The following PEX11A variants were observed in gnomAD, a reference collection of about 807,000 sequenced individuals.
PEX11A encodes the protein peroxisomal membrane protein 11A.
A neutral mutation model predicts 14.4 loss-of-function variants in PEX11A; 13 were observed. The observed-to-expected ratio is 0.90, with a 90% CI of 0.59 to 1.43. PEX11A has a LOEUF of 1.43. Among genes scored for constraint, PEX11A ranks in the 40% most tolerant of loss-of-function variants. The pLI, the probability that PEX11A is intolerant of heterozygous loss-of-function variation, is 0.00. For synonymous variants in PEX11A, 101 were observed against 113.0 expected, an observed-to-expected ratio of 0.89 and a Z score of 0.67; for missense variants, 290 against 302.8, an observed-to-expected ratio of 0.96 and a Z score of 0.31.
intron 1 of PEX11A, among the ~76,000 whole-genome samples, chr15:89,689,857 G>A (rs1193563016): frequency 6.6e-6 from 1 of 152,194 alleles, no homozygotes; most frequent in Non-Finnish European, 1.5e-5. Flanking sequence ...GAGACCGGGC[G>A]CGGTGGCTCG....
chr15:89,682,652 T>C lies in PEX11A; in HGVS notation c.*725A>G, dbSNP rs1167976025. ...ATTAGGAGTCAGAGGAATGAGGCTC[T>C]AGCCTCAGTTTTTTGTTTGTCTCAC... is the stretch of plus-strand genomic sequence containing the variant. On this transcript the variant is annotated 3_prime_UTR_variant, in exon 3 of 3. Coordinates refer to ENST00000300056, the MANE Select transcript of PEX11A (RefSeq NM_003847.3). 6.6e-6 allele frequency: 1 copy of C among 152,262 alleles called. No homozygotes were observed. The highest frequency in any genetic ancestry group is 1.5e-5 in the Non-Finnish European group (1 of 68,048). 9.4% of individuals were successfully genotyped at this position (152,262 alleles called of 1,614,324 possible).
chr15:89,689,403 T>C (rs1964752701), intron 1 of PEX11A, among the ~76,000 whole-genome samples: 1 of 152,226 alleles, frequency 6.6e-6, no homozygotes. Context: ...AGCCTCATTA[T>C]TGGGGCCATT....
Position 89,683,297 on chromosome 15 carries a change from G to T in PEX11A, c.*80C>A. On this transcript the variant is annotated 3_prime_UTR_variant, in exon 3 of 3. Transcript: ENST00000300056. ...CAAGAACTTAAGCACAGTATGACAT[G>T]GCCTGTGACTTATACAAATGTCTGT... The T allele has an allele frequency of 1.1e-6, 1 of 944,920 alleles. No individual in the cohort carries two copies. The highest frequency in any genetic ancestry group is 1.6e-6 in the Non-Finnish European group (1 of 609,958). The allele number at this position is 944,920 out of a possible 1,614,324, so 58.5% of individuals were successfully genotyped here.
chr15:89,689,588 C>G (rs1215992493), intron 1 of PEX11A, among the ~76,000 whole-genome samples: 1 of 152,166 alleles, frequency 6.6e-6, no homozygotes, highest in Non-Finnish European at 1.5e-5. Flanking sequence ...CTTTTCGTTT[C>G]TTATGGAACC....
chr15:89,682,916 C>T lies in PEX11A; in HGVS notation c.*461G>A, dbSNP rs532034587. 6.2e-6 allele frequency: 1 copy of T among 161,010 alleles called. No individual in the cohort carries two copies. The highest frequency in any genetic ancestry group is 1.9e-4 in the East Asian group (1 of 5,392). The allele number at this position is 161,010 out of a possible 1,614,324, so 10.0% of individuals were successfully genotyped here. On this transcript the variant is annotated 3_prime_UTR_variant, in exon 3 of 3. Coordinates refer to ENST00000300056, the MANE Select transcript of PEX11A (RefSeq NM_003847.3). ...AGAGGCTGTAAGCCCAGCTCTCCTC[C>T]ATCCTGCTACTGACATCAGAGCCTC...
chr15:89,683,908 A>C lies in PEX11A; in HGVS notation c.213T>G (p.Thr71=). The C allele has an allele frequency of 6.2e-7, 1 of 1,614,018 alleles. No homozygotes were observed. Among genetic ancestry groups the C allele is most frequent in the Non-Finnish European group, 8.5e-7 (1 of 1,179,868 alleles). ...LGNVVHAIQA[T]EQSIHATDLV... is the part of the protein sequence containing the mutation. ...GGTCAGTGGCATGAATGCTCTGCTC[A>C]GTTGCCTGTATAGCATGTACCACAT... The change falls in exon 3 of 3, where the codon ACT becomes ACG. Residue 71 remains threonine, a synonymous_variant. Coordinates refer to ENST00000300056, the MANE Select transcript of PEX11A (RefSeq NM_003847.3).
In PEX11A at chr15:89,690,595, C is replaced by T. The variant is rs1822699477; in HGVS notation, c.38G>A (p.Gly13Asp). The T allele has an allele frequency of 6.4e-6, 10 of 1,551,410 alleles. No individual in the cohort carries two copies. The highest frequency in any genetic ancestry group is 7.8e-6 in the Non-Finnish European group (9 of 1,146,918). ...AFTRFTNQTQ[G>D]RDRLFRATQY... ...GACTCACCTGAAGAGTCGGTCCCGG[C>T]CCTGGGTCTGGTTGGTGAAGCGGGT... The change falls in exon 1 of 3, where the codon GGC becomes GAC. Residue 13 changes from glycine to aspartate, a missense_variant. Transcript: ENST00000300056.
In PEX11A at chr15:89,686,248, T is replaced by C. The variant is rs372432044; in HGVS notation, c.172+183A>G. On this transcript the variant is annotated intron_variant, in intron 2 of 2. Transcript: ENST00000300056. ...AGATGTGAACATAAGAGGGTGTTTA[T>C]GAATGGTCTGCAGCAACACATTCAA... is the stretch of plus-strand genomic sequence containing the variant. Among the ~76,000 whole-genome samples the C allele has an allele frequency of 3.0e-4, 45 of 152,366 alleles. No individual in the cohort carries two copies. In the East Asian group the frequency reaches 7.7e-3, roughly 26 times the overall value.
chr15:89,683,085 T>C lies in PEX11A; in HGVS notation c.*292A>G, dbSNP rs1200422644. On this transcript the variant is annotated 3_prime_UTR_variant, in exon 3 of 3. Coordinates refer to ENST00000300056, the MANE Select transcript of PEX11A (RefSeq NM_003847.3). ...ATTTTTTCCTTTCAATTTTTATTCA[T>C]TCAGCAAATACTAAGCTCCCACTAT... 2.8e-6 allele frequency: 1 copy of C among 359,920 alleles called. No individual in the cohort carries two copies. The highest frequency in any genetic ancestry group is 2.1e-5 in the African/African-American group (1 of 47,630). 22.3% of individuals were successfully genotyped at this position (359,920 alleles called of 1,614,324 possible).
In PEX11A at chr15:89,685,131, G is replaced by T. The variant is rs999522922; in HGVS notation, c.173-1183C>A. Among the ~76,000 whole-genome samples, 7 of 143,052 alleles carry T rather than the reference G, an allele frequency of 4.9e-5. No homozygotes were observed. In the East Asian group the frequency reaches 1.4e-3, roughly 29 times the overall value. The allele number at this position is 143,052 out of a possible 152,430, so 93.8% of individuals were successfully genotyped here. A position where few individuals can be genotyped will look rare whatever the true frequency, so the allele number is the denominator to read the frequency against. ...AAGTGGGAGAATTGCTTGAACCTGG[G>T]AAGCGGAGGTTGCAGTGAGCCAAGA... On this transcript the variant is annotated intron_variant, in intron 2 of 2. Coordinates refer to ENST00000300056, the MANE Select transcript of PEX11A (RefSeq NM_003847.3).
chr15:89,682,485 G>A lies in PEX11A; in HGVS notation c.*892C>T, dbSNP rs954403690. The A allele has an allele frequency of 6.6e-5, 10 of 152,156 alleles. No individual in the cohort carries two copies. The highest frequency in any genetic ancestry group is 2.4e-4 in the African/African-American group (10 of 41,440). 9.4% of individuals were successfully genotyped at this position (152,156 alleles called of 1,614,324 possible). A position where few individuals can be genotyped will look rare whatever the true frequency, so the allele number is the denominator to read the frequency against. On this transcript the variant is annotated 3_prime_UTR_variant, in exon 3 of 3. Transcript: ENST00000300056. ...AGCCACCACACTCCACCCAGTTTTA[G>A]TTTTTCTAGAAAAGAATATAAACCA...
chr15:89,689,795 G>A (rs1460464114), intron 1 of PEX11A, among the ~76,000 whole-genome samples: 2 of 152,178 alleles, frequency 1.3e-5, no homozygotes, highest in East Asian at 3.8e-4. Flanking sequence ...TACAGCCTGG[G>A]TAATAATGGA....
rs1258817749 is a variant in PEX11A, at chr15:89,682,695, T to A, written c.*682A>T. 1 of 152,272 alleles carries A rather than the reference T, an allele frequency of 6.6e-6. No individual in the cohort carries two copies. Among genetic ancestry groups the A allele is most frequent in the South Asian group, 2.1e-4 (1 of 4,836 alleles). 9.4% of individuals were successfully genotyped at this position (152,272 alleles called of 1,614,324 possible). A position where few individuals can be genotyped will look rare whatever the true frequency, so the allele number is the denominator to read the frequency against. On this transcript the variant is annotated 3_prime_UTR_variant, in exon 3 of 3. Coordinates refer to ENST00000300056, the MANE Select transcript of PEX11A (RefSeq NM_003847.3). ...TGTCTCACTGTCAGCTTCTTATCTG[T>A]CACAGGCTACATATAGGCACCCATT... is the stretch of plus-strand genomic sequence containing the variant.
chr15:89,689,239 T>C lies in PEX11A; in HGVS notation c.56+1338A>G, dbSNP rs1204414669. Among the ~76,000 whole-genome samples the C allele has an allele frequency of 7.1e-4, 5 of 7,000 alleles. No individual in the cohort carries two copies. In the Non-Finnish European group the frequency reaches 9.6e-3, roughly 13 times the overall value. 4.6% of individuals were successfully genotyped at this position (7,000 alleles called of 152,430 possible). On this transcript the variant is annotated intron_variant, in intron 1 of 2. Transcript: ENST00000300056. Reference sequence around the variant, plus strand: ...GATGTGAATCCCTCAGTTCTGCCATTGTAGTACCTATTAACCTCTTTCTGC... The same window carrying C: ...GATGTGAATCCCTCAGTTCTGCCATCGTAGTACCTATTAACCTCTTTCTGC...
In PEX11A at chr15:89,686,468, G is replaced by T. The variant is rs771429477; in HGVS notation, c.135C>A (p.Leu45=). 1 of 1,600,902 alleles carries T rather than the reference G, an allele frequency of 6.2e-7. No homozygotes were observed. The highest frequency in any genetic ancestry group is 1.1e-5 in the South Asian group (1 of 90,808). Residue 45 remains leucine, a synonymous_variant, in exon 2 of 3, where the codon CTC becomes CTA. Coordinates refer to ENST00000300056, the MANE Select transcript of PEX11A (RefSeq NM_003847.3). ...KAGKEKVVMK[L]KKLESSVSTG... is the part of the protein sequence containing the mutation. ...TGCTCACACTGGACTCCAGTTTCTTGAGCTTCATTACCACCTTCTCTTTGC... is the reference window on the plus strand; with the variant it reads ...TGCTCACACTGGACTCCAGTTTCTTTAGCTTCATTACCACCTTCTCTTTGC...
At chr15:89,690,482 T>C (rs924306034) in intron 1 of PEX11A, 95 bp downstream of exon 1, 1 of 873,592 alleles carries the variant, frequency 1.1e-6, no homozygotes, top group Non-Finnish European at 1.8e-6. Flanking sequence ...TTCCATCTAC[T>C]AGGCTATCAC....
At position 89,683,740 on chromosome 15, in the gene PEX11A, G is replaced by A. The variant is rs1260091824; in HGVS notation, c.381C>T (p.Tyr127=). Residue 127 remains tyrosine, a synonymous_variant, in exon 3 of 3, where the codon TAC becomes TAT. Coordinates refer to ENST00000300056, the MANE Select transcript of PEX11A (RefSeq NM_003847.3). ...CCAGGCTCAGCAGAAGAGAATAGTA[G>A]TAGTGGTGAGCAGCCCTCGTTCGCC... ...EKWRTRAAHH[Y]YYSLLLSLVR... is the part of the protein sequence containing the mutation. 1 of 1,614,056 alleles carries A rather than the reference G, an allele frequency of 6.2e-7. No homozygotes were observed. The highest frequency in any genetic ancestry group is 8.5e-7 in the Non-Finnish European group (1 of 1,179,920).
chr15:89,683,278 C>T lies in PEX11A; in HGVS notation c.*99G>A. 3.5e-6 allele frequency: 3 copies of T among 850,574 alleles called. No individual in the cohort carries two copies. In the Admixed American group the frequency reaches 6.9e-5, roughly 19 times the overall value. 52.7% of individuals were successfully genotyped at this position (850,574 alleles called of 1,614,324 possible). Reference sequence around the variant, plus strand: ...TGTTAAATGCTCACATGAACAAGAACTTAAGCACAGTATGACATGGCCTGT... The same window carrying T: ...TGTTAAATGCTCACATGAACAAGAATTTAAGCACAGTATGACATGGCCTGT... On this transcript the variant is annotated 3_prime_UTR_variant, in exon 3 of 3. Coordinates refer to ENST00000300056, the MANE Select transcript of PEX11A (RefSeq NM_003847.3).
At chr15:89,690,487 T>TA (rs1964809795) in intron 1 of PEX11A, 90 bp downstream of exon 1, 2 of 928,440 alleles carry the variant, frequency 2.2e-6, no homozygotes, top group Non-Finnish European at 3.3e-6. Flanking sequence ...TCTACTAGGC[T>TA]ATCACCTCCT....
Sources: gnomAD v4.1 joint callset for allele counts (sites outside exome capture counted in the v4.1 genomes callset) on GRCh38, gnomAD v4.1.1 for gene constraint, MANE v1.5 for transcripts, NCBI Gene and HGNC (gene_info 2026-07-23, HGNC 2026-07-21) for gene names.